The following PBX1 variants were observed in gnomAD, a reference collection of about 807,000 sequenced individuals.
PBX1 encodes pre-B-cell leukemia transcription factor 1.
A neutral mutation model predicts 53.4 loss-of-function variants in PBX1; 6 were observed. The ratio of observed to expected loss-of-function variants is 0.11; its 90% CI spans 0.06 to 0.22. PBX1 has a LOEUF of 0.22. PBX1 is among the 10% of genes least tolerant of loss of function. The pLI, the probability that PBX1 is intolerant of heterozygous loss-of-function variation, is 1.00. For synonymous variants in PBX1, 204 were observed against 212.3 expected (o/e 0.96, Z 0.34); for missense variants, 251 against 551.4 (o/e 0.46, Z 5.46).
chr1:164,676,110 T>A (rs1661421013), intron 2 of PBX1, among the ~76,000 whole-genome samples: 1 of 152,042 alleles, frequency 6.6e-6, no homozygotes, highest in African/African-American at 2.4e-5. Flanking sequence ...CACAGAGGGG[T>A]GCAAGAAGGA....
At chr1:164,789,593 G>A (rs1360004694) in intron 2 of PBX1, among the ~76,000 whole-genome samples, 1 of 152,232 alleles carries the variant, frequency 6.6e-6, no homozygotes, top group African/African-American at 2.4e-5. Context: ...CAAGTAGGCA[G>A]TGCTTAACAC....
intron 2 of PBX1, chr1:164,577,033 G>A (rs1247121743): frequency 6.6e-6 from 1 of 152,230 alleles, no homozygotes; most frequent in Non-Finnish European, 1.5e-5. Context: ...TAACACGCAC[G>A]CGTATTAATT....
rs1203584905 is a variant in PBX1 at position 164,767,206 on chromosome 1, A to C, written c.266-25288A>C. Among the ~76,000 whole-genome samples the C allele has an allele frequency of 2.0e-5, 3 of 152,162 alleles. No individual in the cohort carries two copies. In the East Asian group the frequency reaches 5.8e-4, roughly 29 times the overall value. On this transcript the variant is annotated intron_variant, in intron 2 of 8. Coordinates refer to ENST00000420696, the MANE Select transcript of PBX1 (RefSeq NM_002585.4). The stretch of plus-strand genomic sequence containing the variant: ...TAATACAAACAATACATTCTGAGGC[A>C]GGGCAGACTATATAATTTGTGGGTC...
chr1:164,579,652 AT>A (rs1654479850), intron 2 of PBX1, among the ~76,000 whole-genome samples: 1 of 152,174 alleles, frequency 6.6e-6, no homozygotes, highest in Non-Finnish European at 1.5e-5. Context: ...GAAACATGCA[AT>A]ATAGATGGTT....
chr1:164,671,668 G>A (rs938882257), intron 2 of PBX1, among the ~76,000 whole-genome samples: 1 of 152,164 alleles, frequency 6.6e-6, no homozygotes, highest in Non-Finnish European at 1.5e-5. Context: ...GGGAACATGT[G>A]TGTAAGGCTG....
At chr1:164,716,023 C>CA (rs1557962146) in intron 2 of PBX1, among the ~76,000 whole-genome samples, 1 of 152,144 alleles carries the variant, frequency 6.6e-6, no homozygotes, top group Non-Finnish European at 1.5e-5. Context: ...GGAGGGTTAA[C>CA]AAAATTGCTG....
chr1:164,801,886 A>G (rs990101367), intron 4 of PBX1, among the ~76,000 whole-genome samples: 1 of 152,346 alleles, frequency 6.6e-6, no homozygotes, highest in African/African-American at 2.4e-5. Context: ...CAGTTCAAAA[A>G]CAAATGTCTG....
intron 2 of PBX1, among the ~76,000 whole-genome samples, chr1:164,872,917 C>T (rs1418463392): frequency 6.6e-6 from 1 of 152,192 alleles, no homozygotes; most frequent in African/African-American, 2.4e-5. Context: ...GCTCATTACT[C>T]GCAGACAATG....
intron 2 of PBX1, among the ~76,000 whole-genome samples, chr1:164,741,109 G>A (rs759393688): frequency 1.3e-5 from 2 of 152,152 alleles, no homozygotes; most frequent in Non-Finnish European, 2.9e-5. Flanking sequence ...GCCTATCCTC[G>A]ATATGGTATA....
At chr1:164,588,982 C>T (rs926537776) in intron 2 of PBX1, among the ~76,000 whole-genome samples, 2 of 152,100 alleles carry the variant, frequency 1.3e-5, no homozygotes, top group African/African-American at 4.8e-5. Flanking sequence ...TTCTCCTTGC[C>T]GGCCTCTCCC....
chr1:164,563,178 A>G (rs985701769), intron 1 of PBX1, 60 bp from the exon 2 acceptor site: 37 of 1,154,780 alleles, frequency 3.2e-5, no homozygotes, highest in African/African-American at 6.1e-5. Context: ...CACCCTGTGC[A>G]TTATCGGCAG....
chr1:164,640,557 TG>T (rs58644841), intron 2 of PBX1, among the ~76,000 whole-genome samples: 58,253 of 99,490 alleles, frequency 0.59, 14,693 homozygotes, highest in East Asian at 0.7. Context: ...TTTTTTTTTG[TG>T]TTTTTTTTTT....
intron 2 of PBX1, among the ~76,000 whole-genome samples, chr1:164,687,821 T>C (rs997695156): frequency 7.9e-5 from 12 of 152,216 alleles, no homozygotes; most frequent in African/African-American, 2.4e-4. Flanking sequence ...GAAGAACTTA[T>C]ATATGCAGAA....
chr1:164,847,634 C>T lies in PBX1; in HGVS notation c.*958C>T. On this transcript the variant is annotated 3_prime_UTR_variant, in exon 9 of 9. Coordinates refer to ENST00000420696, the MANE Select transcript of PBX1 (RefSeq NM_002585.4). ...GCCTTCATAGACACACACGTTCATG[C>T]ACATGTAGGCACATGTACCATCTCA... 9.4e-7 allele frequency: 1 copy of T among 1,060,284 alleles called. No homozygotes were observed. Among genetic ancestry groups the T allele is most frequent in the Non-Finnish European group, 1.1e-6 (1 of 875,906 alleles). 65.7% of individuals were successfully genotyped at this position (1,060,284 alleles called of 1,614,324 possible).
intron 2 of PBX1, among the ~76,000 whole-genome samples, chr1:164,757,855 T>A (rs917942988): frequency 6.6e-6 from 1 of 152,234 alleles, no homozygotes; most frequent in African/African-American, 2.4e-5. Flanking sequence ...AGCTATGTTC[T>A]CATCTTTGGT....
At chr1:164,818,936 G>T (rs556215003) in intron 6 of PBX1, 2 of 152,172 alleles carry the variant, frequency 1.3e-5, no homozygotes, top group Non-Finnish European at 2.9e-5. Context: ...TCATTGTTGG[G>T]TGATTCCACA....
intron 2 of PBX1, among the ~76,000 whole-genome samples, chr1:164,607,731 A>C (rs1489400253): frequency 6.6e-6 from 1 of 152,146 alleles, no homozygotes; most frequent in Non-Finnish European, 1.5e-5. Context: ...AACCCTGAGA[A>C]GGCCAAATAT....
At chr1:164,765,184 T>A (rs1315734885) in intron 2 of PBX1, among the ~76,000 whole-genome samples, 1 of 152,164 alleles carries the variant, frequency 6.6e-6, no homozygotes, top group East Asian at 1.9e-4. Context: ...GAGCAAGCAG[T>A]ATAAAGATGT....
chr1:164,877,296 C>T (rs1672536346), intron 2 of PBX1, among the ~76,000 whole-genome samples: 1 of 151,860 alleles, frequency 6.6e-6, no homozygotes, highest in Non-Finnish European at 1.5e-5. Context: ...AATCCAAATC[C>T]TCCTGATACT....
Sources: allele counts gnomAD v4.1 joint callset (sites outside exome capture counted in the v4.1 genomes callset), GRCh38; gene constraint gnomAD v4.1.1; transcripts MANE v1.5; gene names NCBI Gene and HGNC (gene_info 2026-07-23, HGNC 2026-07-21).